Variants in IGF1R observed in about 807,000 individuals in gnomAD.
The protein encoded by IGF1R is insulin like growth factor 1 receptor.
Under a neutral mutation model 144.6 loss-of-function variants are expected in IGF1R, and 44 were observed. The observed-to-expected ratio is 0.30, with a 90% confidence interval of 0.24 to 0.39. The LOEUF (loss-of-function observed/expected upper bound fraction) is 0.39, where lower values mean the gene tolerates loss of function less well. IGF1R is among the 10% of genes least tolerant of loss of function. IGF1R has a pLI of 1.00. For synonymous variants in IGF1R, 795 were observed against 722.8 expected (o/e 1.10, Z -1.60); for missense variants, 1,355 against 1,833.7 (o/e 0.74, Z 4.77).
intron 2 of IGF1R, among the ~76,000 whole-genome samples, chr15:98,758,570 C>T (rs2055215572): frequency 6.6e-6 from 1 of 152,220 alleles, no homozygotes; most frequent in East Asian, 1.9e-4. Flanking sequence ...AACAGTTCCA[C>T]CTTCCATGGA....
In IGF1R at chr15:98,687,026, G is replaced by A. The variant is rs117700581; in HGVS notation, c.95-20536G>A. Among the ~76,000 whole-genome samples, 102 of 152,208 alleles carry A rather than the reference G, an allele frequency of 6.7e-4. 1 individual carries two copies. In the East Asian group the frequency reaches 0.017, roughly 25 times the overall value. On this transcript the variant is annotated intron_variant, in intron 1 of 20. Coordinates refer to ENST00000650285, the MANE Select transcript of IGF1R (RefSeq NM_000875.5). Reference sequence around the variant, plus strand: ...AAAAGCTGAAGGTTTTGAGAGGAGAGGGAGCATGTGAAAAAACCTAAAGGT... The same window carrying A: ...AAAAGCTGAAGGTTTTGAGAGGAGAAGGAGCATGTGAAAAAACCTAAAGGT...
At chr15:98,859,976 C>T (rs1596367779) in intron 2 of IGF1R, among the ~76,000 whole-genome samples, 3 of 152,182 alleles carry the variant, frequency 2.0e-5, no homozygotes, top group African/African-American at 2.4e-5. Context: ...AGTGCAGTGA[C>T]GCGATCTCGG....
chr15:98,911,902 CT>C (rs1234065816), intron 7 of IGF1R, among the ~76,000 whole-genome samples: 1 of 152,160 alleles, frequency 6.6e-6, no homozygotes, highest in Non-Finnish European at 1.5e-5. Context: ...CTCTCCCAAG[CT>C]GTGGCCCTCT....
At chr15:98,659,258 G>A (rs774440703) in intron 1 of IGF1R, among the ~76,000 whole-genome samples, 1 of 151,798 alleles carries the variant, frequency 6.6e-6, no homozygotes. Context: ...TTCAGTAAAC[G>A]ATGGTCATCC....
chr15:98,845,594 CTT>C (rs1453696153), intron 2 of IGF1R, among the ~76,000 whole-genome samples: 2 of 146,822 alleles, frequency 1.4e-5, no homozygotes, highest in Admixed American at 6.9e-5. Flanking sequence ...TTCTTTCTCT[CTT>C]CTCTCTCTAC....
intron 2 of IGF1R, among the ~76,000 whole-genome samples, chr15:98,798,070 A>C (rs1221229456): frequency 6.6e-6 from 1 of 152,192 alleles, no homozygotes; most frequent in African/African-American, 2.4e-5. Context: ...ATTATTGAGC[A>C]CCTGCTGTGT....
At chr15:98,760,126 G>A (rs1028674966) in intron 2 of IGF1R, among the ~76,000 whole-genome samples, 4 of 151,960 alleles carry the variant, frequency 2.6e-5, no homozygotes, top group African/African-American at 9.7e-5. Flanking sequence ...GATCACCTGA[G>A]GTCAGGAATT....
chr15:98,712,302 C>G (rs755684413), intron 2 of IGF1R, among the ~76,000 whole-genome samples: 19 of 152,192 alleles, frequency 1.2e-4, no homozygotes, highest in Non-Finnish European at 2.6e-4. Flanking sequence ...TCATATCAGA[C>G]CACCACGAGC....
intron 10 of IGF1R, 165 bp downstream of exon 10, chr15:98,917,041 TGCGGAA>T: frequency 2.8e-6 from 2 of 711,286 alleles, no homozygotes; most frequent in Non-Finnish European, 5.0e-6. Context: ...AGTGAGTCCC[TGCGGAA>T]GCCAGTCAGC....
intron 2 of IGF1R, among the ~76,000 whole-genome samples, chr15:98,844,960 A>G (rs1374944866): frequency 6.6e-6 from 1 of 152,166 alleles, no homozygotes; most frequent in Non-Finnish European, 1.5e-5. Flanking sequence ...CCTCTGAGAT[A>G]GCTGAGAAAC....
intron 2 of IGF1R, among the ~76,000 whole-genome samples, chr15:98,883,210 T>G (rs1199383563): frequency 1.3e-5 from 2 of 152,240 alleles, no homozygotes; most frequent in African/African-American, 4.8e-5. Flanking sequence ...TTGCCGTGCG[T>G]AGCTGATTCC....
rs541236653 is a variant in IGF1R at position 98,898,940 on chromosome 15, A to G, written c.1103-537A>G. On this transcript the variant is annotated intron_variant, in intron 4 of 20. Coordinates refer to ENST00000650285, the MANE Select transcript of IGF1R (RefSeq NM_000875.5). ...CTATAGAAAATTTAGCAATGCAGAA[A>G]TGAATTTTTAAAAATCCCTCATAGA... Among the ~76,000 whole-genome samples, 3 of 152,380 alleles carry G rather than the reference A, an allele frequency of 2.0e-5. No homozygotes were observed. In the East Asian group the frequency reaches 5.8e-4, roughly 29 times the overall value.
intron 3 of IGF1R, among the ~76,000 whole-genome samples, chr15:98,895,624 A>G (rs923918649): frequency 6.6e-6 from 1 of 152,184 alleles, no homozygotes; most frequent in Non-Finnish European, 1.5e-5. Flanking sequence ...TCCCAAACAC[A>G]CAATAGGAAA....
chr15:98,951,266 T>G lies in IGF1R; in HGVS notation c.3722+2558T>G, dbSNP rs145580552. 2.5e-3 allele frequency among the ~76,000 whole-genome samples: 376 copies of G among 152,320 alleles called. 1 individual carries two copies. Among genetic ancestry groups the G allele is most frequent in the Middle Eastern group, 0.01 (3 of 294 alleles). On this transcript the variant is annotated intron_variant, in intron 20 of 20. Coordinates refer to ENST00000650285, the MANE Select transcript of IGF1R (RefSeq NM_000875.5). ...TGGGCCTGGGCCAGTGATGGGAGGC[T>G]CCTCTTCTCTGAGGGTGGCACCTAC...
chr15:98,933,648 C>T (rs958528069), intron 15 of IGF1R, among the ~76,000 whole-genome samples: 1 of 152,218 alleles, frequency 6.6e-6, no homozygotes, highest in Admixed American at 6.5e-5. Flanking sequence ...TAAACCAGAT[C>T]GAATCTAAAC....
intron 1 of IGF1R, among the ~76,000 whole-genome samples, chr15:98,663,256 A>G (rs937609224): frequency 2.0e-5 from 3 of 152,104 alleles, no homozygotes; most frequent in African/African-American, 7.2e-5. Flanking sequence ...ATGGAGAGGC[A>G]GGACCCGCAA....
At chr15:98,672,391 C>T (rs1044871439) in intron 1 of IGF1R, among the ~76,000 whole-genome samples, 3 of 151,936 alleles carry the variant, frequency 2.0e-5, no homozygotes, top group Admixed American at 2.0e-4. Flanking sequence ...ACGGCGAAAC[C>T]CCGTCTCTAC....
intron 19 of IGF1R, among the ~76,000 whole-genome samples, chr15:98,945,524 GA>G (rs1223392964): frequency 6.6e-6 from 1 of 152,156 alleles, no homozygotes; most frequent in Non-Finnish European, 1.5e-5. Flanking sequence ...ATCTGTCCAT[GA>G]AATGGAAGAC....
rs146863425 is a variant in IGF1R, at chr15:98,905,769, A to C, written c.1248-2916A>C. Reference sequence around the variant, plus strand: ...ATCACATTTACTGAATAATTTACTTAAGTAATCTTTTTCTTCAGGAAACAA... The same window carrying C: ...ATCACATTTACTGAATAATTTACTTCAGTAATCTTTTTCTTCAGGAAACAA... On this transcript the variant is annotated intron_variant, in intron 5 of 20. Transcript: ENST00000650285. Among the ~76,000 whole-genome samples, 672 of 152,322 alleles carry C rather than the reference A, an allele frequency of 4.4e-3. 6 individuals carry two copies. Among genetic ancestry groups the C allele is most frequent in the African/African-American group, 0.016 (651 of 41,564 alleles).
Sources: gnomAD v4.1 joint callset for allele counts (sites outside exome capture counted in the v4.1 genomes callset) on GRCh38, gnomAD v4.1.1 for gene constraint, MANE v1.5 for transcripts, NCBI Gene and HGNC (gene_info 2026-07-23, HGNC 2026-07-21) for gene names.